Variants in RASA2 observed in about 807,000 individuals in gnomAD.
RASA2 encodes RAS p21 protein activator 2.
In RASA2, 155 loss-of-function variants were observed where a neutral mutation model predicts 118.2. That is an observed-to-expected ratio of 1.31 (90% CI 1.15 to 1.50). The LOEUF (loss-of-function observed/expected upper bound fraction) is 1.50. RASA2 is among the 40% of genes most tolerant of loss of function. RASA2 has a pLI of 0.00. For missense variants in RASA2, 1,016 were observed against 1,009.6 expected, an observed-to-expected ratio of 1.01 and a Z score of -0.09; for synonymous variants, 353 against 349.1, an observed-to-expected ratio of 1.01 and a Z score of -0.12.
chr3:141,565,990 T>C (rs2082814248), intron 9 of RASA2, among the ~76,000 whole-genome samples: 1 of 152,260 alleles, frequency 6.6e-6, no homozygotes, highest in Admixed American at 6.5e-5. Context: ...AGTTGTCTTT[T>C]CTGTCTTTAT....
At chr3:141,599,029 A>G (rs534764719) in intron 19 of RASA2, among the ~76,000 whole-genome samples, 1 of 152,276 alleles carries the variant, frequency 6.6e-6, no homozygotes, top group East Asian at 1.9e-4. Flanking sequence ...TGGAGGTTGC[A>G]GTGAGCCGAG....
Position 141,528,951 on chromosome 3 carries a change from T to G in RASA2, c.356-757T>G, listed in dbSNP as rs117694720. Among the ~76,000 whole-genome samples the G allele has an allele frequency of 0.018, 2,751 of 152,062 alleles. 180 individuals are homozygous for G. In the East Asian group the frequency reaches 0.2, roughly 11 times the overall value. On this transcript the variant is annotated intron_variant, in intron 3 of 23. Transcript: ENST00000286364. ...ATCCTGGAATAAATCATTAGTCTTA[T>G]GCAAAACTGTGTCTACTTCTTAAAA...
intron 5 of RASA2, among the ~76,000 whole-genome samples, chr3:141,546,576 A>C (rs2082489086): frequency 6.6e-6 from 1 of 152,190 alleles, no homozygotes; most frequent in Non-Finnish European, 1.5e-5. Flanking sequence ...ACCTCCTTAC[A>C]TATTCTGGTT....
intron 4 of RASA2, among the ~76,000 whole-genome samples, chr3:141,532,774 C>G (rs1017347427): frequency 5.3e-5 from 8 of 152,106 alleles, no homozygotes; most frequent in Non-Finnish European, 1.2e-4. Flanking sequence ...GACCTCCCCC[C>G]TGCCCTGACT....
chr3:141,569,319 C>T (rs2082875404), intron 9 of RASA2, among the ~76,000 whole-genome samples: 1 of 151,952 alleles, frequency 6.6e-6, no homozygotes, highest in Non-Finnish European at 1.5e-5. Context: ...CTTGTGATAT[C>T]TTGAATGAGT....
At chr3:141,513,829 G>A (rs183314188) in intron 2 of RASA2, among the ~76,000 whole-genome samples, 7 of 152,242 alleles carry the variant, frequency 4.6e-5, no homozygotes, top group African/African-American at 9.6e-5. Flanking sequence ...ATTTCATAGC[G>A]ATATTTCTAG....
At chr3:141,488,842 T>G (rs1040364188) in intron 1 of RASA2, among the ~76,000 whole-genome samples, 2 of 152,226 alleles carry the variant, frequency 1.3e-5, no homozygotes, top group African/African-American at 2.4e-5. Context: ...TTAGTGCCAC[T>G]TGATGCTAGG....
At chr3:141,592,555 G>A (rs573398253) in intron 19 of RASA2, among the ~76,000 whole-genome samples, 1 of 152,266 alleles carries the variant, frequency 6.6e-6, no homozygotes, top group Admixed American at 6.5e-5. Context: ...TGTCTGTGGA[G>A]TGTTACATGG....
chr3:141,548,741 C>G (rs1284148569), intron 5 of RASA2, among the ~76,000 whole-genome samples: 1 of 152,200 alleles, frequency 6.6e-6, no homozygotes, highest in Non-Finnish European at 1.5e-5. Flanking sequence ...GTCCCCACTA[C>G]AACATTTTTT....
intron 3 of RASA2, among the ~76,000 whole-genome samples, chr3:141,529,294 C>A (rs2082225747): frequency 6.6e-6 from 1 of 152,080 alleles, no homozygotes; most frequent in East Asian, 1.9e-4. Flanking sequence ...TAAACTCTTA[C>A]TAAATGCAGA....
intron 1 of RASA2, among the ~76,000 whole-genome samples, chr3:141,495,937 G>A (rs976139132): frequency 9.2e-5 from 14 of 152,222 alleles, no homozygotes; most frequent in African/African-American, 3.4e-4. Context: ...AAAACAGCAA[G>A]TTGTAGAATA....
At chr3:141,487,267 C>T in intron 1 of RASA2, 51 bp downstream of exon 1, 2 of 1,242,248 alleles carry the variant, frequency 1.6e-6, no homozygotes, top group Non-Finnish European at 2.0e-6. Context: ...GGGCGCGAGG[C>T]TGAGGGGGCG....
intron 3 of RASA2, among the ~76,000 whole-genome samples, chr3:141,519,471 C>T (rs1222096563): frequency 1.3e-5 from 2 of 152,272 alleles, no homozygotes; most frequent in Middle Eastern, 3.4e-3. Flanking sequence ...TATCCTTAAG[C>T]CTTCTTATTT....
At chr3:141,545,620 G>A (rs953883800) in intron 5 of RASA2, among the ~76,000 whole-genome samples, 1 of 151,620 alleles carries the variant, frequency 6.6e-6, no homozygotes, top group South Asian at 2.1e-4. Context: ...GCTAATTTTT[G>A]TATTTTTAGT....
chr3:141,608,701 A>C lies in RASA2; in HGVS notation c.2225+4A>C, dbSNP rs1375469402. 1.2e-6 allele frequency: 2 copies of C among 1,609,992 alleles called. No individual in the cohort carries two copies. Among genetic ancestry groups the C allele is most frequent in the Non-Finnish European group, 1.7e-6 (2 of 1,176,422 alleles). On this transcript the variant is annotated splice_donor_region_variant and intron_variant, in intron 21 of 23. Transcript: ENST00000286364. ...TCGGCTGCAAGCCATGTACTGCGTAAGTTTCTTTCTGATTATAAAAGCAGT... is the reference window on the plus strand; with the variant it reads ...TCGGCTGCAAGCCATGTACTGCGTACGTTTCTTTCTGATTATAAAAGCAGT...
At chr3:141,610,325 T>C (rs905373865) in intron 23 of RASA2, among the ~76,000 whole-genome samples, 37 of 140,580 alleles carry the variant, frequency 2.6e-4, no homozygotes, top group African/African-American at 8.4e-4. Context: ...GATATATGTA[T>C]ATAAATATAT....
chr3:141,560,345 A>G (rs1403417803), intron 9 of RASA2, among the ~76,000 whole-genome samples: 5 of 152,198 alleles, frequency 3.3e-5, no homozygotes, highest in Non-Finnish European at 7.4e-5. Context: ...CAGAAGTTTT[A>G]TTAGTGGTCA....
chr3:141,613,369 G>A lies in RASA2; in HGVS notation c.*1056G>A, dbSNP rs2083681090. The A allele has an allele frequency of 6.6e-6, 1 of 152,106 alleles. No homozygotes were observed. The highest frequency in any genetic ancestry group is 2.1e-4 in the South Asian group (1 of 4,822). The allele number at this position is 152,106 out of a possible 1,614,324, so 9.4% of individuals were successfully genotyped here. On this transcript the variant is annotated 3_prime_UTR_variant, in exon 24 of 24. Coordinates refer to ENST00000286364, the MANE Select transcript of RASA2 (RefSeq NM_006506.5). Reference sequence around the variant, plus strand: ...TTCCTGAAAATGTTTATATTTCATTGCTGTTTCCTTATTGCCTGCTAGCCA... The same window carrying A: ...TTCCTGAAAATGTTTATATTTCATTACTGTTTCCTTATTGCCTGCTAGCCA...
chr3:141,544,101 C>T (rs895004569), intron 5 of RASA2, among the ~76,000 whole-genome samples: 1 of 152,098 alleles, frequency 6.6e-6, no homozygotes, highest in Admixed American at 6.5e-5. Context: ...CTCTCGAACT[C>T]CTGGCCTGAA....
Sources: gnomAD v4.1 joint callset for allele counts (sites outside exome capture counted in the v4.1 genomes callset) on GRCh38, gnomAD v4.1.1 for gene constraint, MANE v1.5 for transcripts, NCBI Gene and HGNC (gene_info 2026-07-23, HGNC 2026-07-21) for gene names.